The following NRG2 variants were observed in gnomAD, a reference collection of about 807,000 sequenced individuals.
NRG2 encodes the protein pro-neuregulin-2, membrane-bound isoform.
A neutral mutation model predicts 73.9 loss-of-function variants in NRG2; 27 were observed. That is an observed-to-expected ratio of 0.37 (90% confidence interval 0.27 to 0.50). NRG2 has a LOEUF of 0.50. NRG2 is among the 20% of genes least tolerant of loss of function. The pLI is 0.96. For synonymous variants in NRG2, 532 were observed against 541.0 expected (o/e 0.98, Z 0.23); for missense variants, 1,126 against 1,210.1 (o/e 0.93, Z 1.03).
At chr5:139,978,297 C>G (rs2126552055) in intron 1 of NRG2, among the ~76,000 whole-genome samples, 1 of 152,306 alleles carries the variant, frequency 6.6e-6, no homozygotes, top group Non-Finnish European at 1.5e-5. Context: ...TATGAACAGA[C>G]ACTTCTCAAA....
intron 1 of NRG2, among the ~76,000 whole-genome samples, chr5:139,985,289 G>A (rs868263329): frequency 9.9e-5 from 15 of 150,938 alleles, no homozygotes; most frequent in Admixed American, 2.6e-4. Flanking sequence ...GCAGTGAGCC[G>A]AGACTGCACC....
At chr5:139,898,710 T>C (rs1300894116) in intron 1 of NRG2, among the ~76,000 whole-genome samples, 1 of 152,250 alleles carries the variant, frequency 6.6e-6, no homozygotes, top group Non-Finnish European at 1.5e-5. Context: ...GTGGCTATGA[T>C]GCCTAAAGTG....
At position 139,852,555 on chromosome 5, in the gene NRG2, A is replaced by G. The variant is rs1437650797; in HGVS notation, c.1421T>C (p.Ile474Thr). The change falls in exon 8 of 10, where the codon ATT becomes ACT. Residue 474 changes from isoleucine to threonine, a missense_variant. This residue lies in a region of NRG2 where 539 missense variants were observed against 703.2 expected (regional missense o/e 0.77). Transcript: ENST00000361474. This position sits in a 1 kb window ranked among gnomAD's most constrained non-coding sequence, Gnocchi z 4.4. ...GTCTGTGGCTGGCACGTTCTTGGAAATATACTGGAACAGACAGAGTTGGGC... is the reference window on the plus strand; with the variant it reads ...GTCTGTGGCTGGCACGTTCTTGGAAGTATACTGGAACAGACAGAGTTGGGC... ...DPEEIQMADY[I>T]SKNVPATDHV... 1.2e-6 allele frequency: 2 copies of G among 1,613,746 alleles called. No homozygotes were observed. Among genetic ancestry groups the G allele is most frequent in the Non-Finnish European group, 1.7e-6 (2 of 1,179,844 alleles).
chr5:139,889,979 T>G (rs1764101404), intron 1 of NRG2, among the ~76,000 whole-genome samples: 2 of 152,182 alleles, frequency 1.3e-5, no homozygotes, highest in South Asian at 4.1e-4. Context: ...TCACAATTAT[T>G]TCCTAAGGCG....
chr5:139,877,451 G>A (rs1327427369), intron 3 of NRG2, among the ~76,000 whole-genome samples: 2 of 152,216 alleles, frequency 1.3e-5, no homozygotes, highest in African/African-American at 2.4e-5. Flanking sequence ...CGGCCTGGGC[G>A]GGCCAAACCA....
At chr5:139,921,316 G>A (rs922277045) in intron 1 of NRG2, among the ~76,000 whole-genome samples, 1 of 152,192 alleles carries the variant, frequency 6.6e-6, no homozygotes, top group African/African-American at 2.4e-5. Context: ...GGAGAACAAA[G>A]AAGACTTACA....
At chr5:139,885,597 G>A (rs1002132106) in intron 2 of NRG2, among the ~76,000 whole-genome samples, 2 of 152,158 alleles carry the variant, frequency 1.3e-5, no homozygotes, top group African/African-American at 2.4e-5. Context: ...GAGCAGCAGC[G>A]TGGAGGGACA....
intron 1 of NRG2, among the ~76,000 whole-genome samples, chr5:140,026,139 G>A (rs984204860): frequency 5.9e-5 from 9 of 152,224 alleles, no homozygotes; most frequent in Non-Finnish European, 7.3e-5. Flanking sequence ...GGATACAAAT[G>A]TAAAATTTGT....
intron 1 of NRG2, among the ~76,000 whole-genome samples, chr5:139,978,762 T>C (rs1756566601): frequency 6.6e-6 from 1 of 150,418 alleles, no homozygotes; most frequent in Admixed American, 6.7e-5. Flanking sequence ...ACTGTGGCAC[T>C]ATCGCAGCCA....
chr5:139,988,026 G>A (rs10076717), intron 1 of NRG2, among the ~76,000 whole-genome samples: 29,069 of 152,040 alleles, frequency 0.19, 2,984 homozygotes, highest in Admixed American at 0.25. Flanking sequence ...CGCCTGCCTC[G>A]GCCTCCCAAA....
intron 1 of NRG2, among the ~76,000 whole-genome samples, chr5:139,958,341 C>T (rs747727323): frequency 3.3e-5 from 5 of 152,080 alleles, no homozygotes; most frequent in South Asian, 4.1e-4. Flanking sequence ...GAAAAAATGG[C>T]GAGCTTTTTC....
Position 139,852,610 on chromosome 5 carries a change from T to C in NRG2, c.1417-51A>G, listed in dbSNP as rs756269108. 1 of 1,594,592 alleles carries C rather than the reference T, an allele frequency of 6.3e-7. No homozygotes were observed. Among genetic ancestry groups the C allele is most frequent in the South Asian group, 1.2e-5 (1 of 86,314 alleles). On this transcript the variant is annotated intron_variant, in intron 7 of 9. Transcript: ENST00000361474. The surrounding 1 kb of genome is among the most constrained non-coding windows in gnomAD (Gnocchi z 4.4). Reference sequence around the variant, plus strand: ...GTTAGTGACTGGGGCCCAAATGAACTCTTTCTTGTTGGGGACAGGGAAGTG... The same window carrying C: ...GTTAGTGACTGGGGCCCAAATGAACCCTTTCTTGTTGGGGACAGGGAAGTG...
chr5:139,862,746 GTGTT>G lies in NRG2; in HGVS notation c.1189+2799_1189+2802del, dbSNP rs974030572. Among the ~76,000 whole-genome samples the G allele has an allele frequency of 9.2e-5, 14 of 152,364 alleles. No homozygotes were observed. The East Asian group carries it at 1.2e-3, about 13-fold the overall frequency. On this transcript the variant is annotated intron_variant, in intron 5 of 9. Transcript: ENST00000361474. ...TGCAGGTATGTAAGAACATGATTGT[GTGTT>G]TGTGCATGTATGAGCCCATGCTCAT... is the stretch of plus-strand genomic sequence containing the variant.
intron 2 of NRG2, among the ~76,000 whole-genome samples, chr5:139,883,970 G>T (rs187925785): frequency 1.4e-3 from 207 of 152,276 alleles, no homozygotes; most frequent in African/African-American, 4.8e-3. Context: ...TGAAACTGAG[G>T]CTTAACCAGG....
chr5:140,026,618 A>G (rs1760709475), intron 1 of NRG2, among the ~76,000 whole-genome samples: 1 of 152,200 alleles, frequency 6.6e-6, no homozygotes, highest in African/African-American at 2.4e-5. Context: ...TCTCCAGAAA[A>G]AAAAGAAAAG....
rs1254786014 is a variant in NRG2 at position 139,865,103 on chromosome 5, A to G, written c.1189+446T>C. Reference sequence around the variant, plus strand: ...CACCAGGGAAGAGAAGAAATAGAAGAAAGAGACATACTGGAGAAGTTGACC... The same window carrying G: ...CACCAGGGAAGAGAAGAAATAGAAGGAAGAGACATACTGGAGAAGTTGACC... On this transcript the variant is annotated intron_variant, in intron 5 of 9. Transcript: ENST00000361474. The surrounding 1 kb of genome is among the most constrained non-coding windows in gnomAD (Gnocchi z 5.2). 6.2e-7 allele frequency: 1 copy of G among 1,610,064 alleles called. No homozygotes were observed. Among genetic ancestry groups the G allele is most frequent in the Non-Finnish European group, 8.5e-7 (1 of 1,176,356 alleles).
intron 3 of NRG2, among the ~76,000 whole-genome samples, chr5:139,876,530 G>C (rs80049836): frequency 6.6e-6 from 1 of 152,096 alleles, no homozygotes; most frequent in Non-Finnish European, 1.5e-5. Context: ...GGAGGAGTAA[G>C]CCCAGGAAGT....
In NRG2 at chr5:139,899,370, C is replaced by G. The variant is rs116186031; in HGVS notation, c.701-11859G>C. Among the ~76,000 whole-genome samples, 680 of 152,380 alleles carry G rather than the reference C, an allele frequency of 4.5e-3. 8 individuals carry two copies. The highest frequency in any genetic ancestry group is 0.016 in the African/African-American group (657 of 41,586). The stretch of plus-strand genomic sequence containing the variant: ...AGGTCCCAAGAAATTGTACTTCTAA[C>G]AAGTCCCCAGTTGGTGCTTTAAATC... On this transcript the variant is annotated intron_variant, in intron 1 of 9. Transcript: ENST00000361474.
rs190885621 is a variant in NRG2, at chr5:140,021,218, G to T, written c.700+21152C>A. ...CTCTATTTTATTGTTAACAAAACAG[G>T]CTCAAAAAGGTCAGTTGTCCCAAGG... On this transcript the variant is annotated intron_variant, in intron 1 of 9. Coordinates refer to ENST00000361474, the MANE Select transcript of NRG2 (RefSeq NM_004883.3). Among the ~76,000 whole-genome samples, 181 of 152,224 alleles carry T rather than the reference G, an allele frequency of 1.2e-3. 1 individual carries two copies. The highest frequency in any genetic ancestry group is 4.0e-3 in the African/African-American group (167 of 41,538).
Sources: allele counts gnomAD v4.1 joint callset (sites outside exome capture counted in the v4.1 genomes callset), GRCh38; gene constraint gnomAD v4.1.1; regional missense constraint gnomAD v4.1.1; non-coding constraint Gnocchi (gnomAD v3.1); transcripts MANE v1.5; gene names NCBI Gene and HGNC (gene_info 2026-07-23, HGNC 2026-07-21).